STS: variants seen among roughly 807,000 people sequenced by gnomAD.
STS encodes the protein steryl-sulfatase.
In STS, 7 loss-of-function variants were observed where a neutral mutation model predicts 26.8. The observed-to-expected ratio is 0.26, with a 90% CI of 0.15 to 0.49. The LOEUF is 0.49. Among genes scored for constraint, STS ranks in the 20% least tolerant of loss-of-function variants. STS has a pLI of 0.98. For missense variants in STS, 434 were observed against 465.6 expected, an observed-to-expected ratio of 0.93 and a Z score of 0.63; for synonymous variants, 199 against 189.4, an observed-to-expected ratio of 1.05 and a Z score of -0.42.
At chrX:7,175,179 TAAAAAAAAAAA>T (rs143220502) in intron 1 of STS, among the ~76,000 whole-genome samples, 1 of 42,087 alleles carries the variant, frequency 2.4e-5, no homozygotes, top group Non-Finnish European at 4.1e-5. Context: ...TCTGAGCTGG[TAAAAAAAAAAA>T]AAAAAAAAAA....
chrX:7,342,174 T>C (rs1415853161), intron 10 of STS, among the ~76,000 whole-genome samples: 1 of 111,186 alleles, frequency 9.0e-6, no homozygotes. Flanking sequence ...ATTTAGGAGA[T>C]GTGGGAGATA....
chrX:7,283,486 G>T (rs1202751296), intron 7 of STS, among the ~76,000 whole-genome samples: 2 of 111,937 alleles, frequency 1.8e-5, no homozygotes, highest in Non-Finnish European at 3.8e-5. Flanking sequence ...TATTTGAGGA[G>T]CTGAGGTCAA....
At chrX:7,261,918 A>G (rs181260492) in intron 6 of STS, among the ~76,000 whole-genome samples, 52 of 112,071 alleles carry the variant, frequency 4.6e-4, no homozygotes, top group Non-Finnish European at 6.6e-4. Flanking sequence ...ATTAGTTCTT[A>G]TAGTTCACAC....
intron 2 of STS, among the ~76,000 whole-genome samples, chrX:7,203,629 C>G (rs1269519376): frequency 9.0e-6 from 1 of 111,574 alleles, no homozygotes. Flanking sequence ...TTTATATATA[C>G]AAGAATTTAT....
intron 2 of STS, among the ~76,000 whole-genome samples, chrX:7,246,565 C>T (rs1307149968): frequency 3.6e-5 from 4 of 111,461 alleles, no homozygotes; most frequent in Non-Finnish European, 7.5e-5. Context: ...CTCGGCCTCC[C>T]AAAGTGCTGG....
chrX:7,312,326 G>A lies in STS; in HGVS notation c.1081+7143G>A, dbSNP rs142056938. ...TCCCACCACTTTATTCTAATTGCTCGCATCTCTGATAACTTACCTGTTTAT... is the reference window on the plus strand; with the variant it reads ...TCCCACCACTTTATTCTAATTGCTCACATCTCTGATAACTTACCTGTTTAT... On this transcript the variant is annotated intron_variant, in intron 8 of 10. Coordinates refer to ENST00000674429, the MANE Select transcript of STS (RefSeq NM_001320752.2). Among the ~76,000 whole-genome samples, 38 of 111,771 alleles carry A rather than the reference G, an allele frequency of 3.4e-4. No homozygotes were observed. The East Asian group carries it at 5.1e-3, about 15-fold the overall frequency.
intron 2 of STS, among the ~76,000 whole-genome samples, chrX:7,203,443 T>A (rs942615102): frequency 2.7e-5 from 3 of 111,606 alleles, no homozygotes; most frequent in Admixed American, 1.9e-4. Flanking sequence ...TAAATTAGGG[T>A]CTCTTTAGGC....
chrX:7,182,654 T>C (rs1212088125), intron 1 of STS, among the ~76,000 whole-genome samples: 6 of 110,991 alleles, frequency 5.4e-5, no homozygotes, highest in African/African-American at 2.0e-4. Flanking sequence ...ATGATAGAAA[T>C]GAGGAAATTT....
chrX:7,183,211 G>C (rs1034516237), intron 1 of STS, among the ~76,000 whole-genome samples: 6 of 111,607 alleles, frequency 5.4e-5, no homozygotes, highest in Non-Finnish European at 1.1e-4. Context: ...TGTCCAATTT[G>C]GTGTTAATCT....
At chrX:7,280,558 C>T (rs1263432262) in intron 7 of STS, among the ~76,000 whole-genome samples, 2 of 111,969 alleles carry the variant, frequency 1.8e-5, no homozygotes, top group Non-Finnish European at 1.9e-5. Context: ...ATTTTGGAGG[C>T]GTGTCATTCT....
intron 7 of STS, among the ~76,000 whole-genome samples, chrX:7,288,868 T>A (rs1419700171): frequency 1.8e-5 from 2 of 111,368 alleles, no homozygotes; most frequent in African/African-American, 6.5e-5. Flanking sequence ...ATGCAGAGGG[T>A]CACCATAATG....
chrX:7,250,412 A>G (rs1923083058), intron 2 of STS, among the ~76,000 whole-genome samples: 1 of 107,303 alleles, frequency 9.3e-6, no homozygotes, highest in African/African-American at 3.4e-5. Context: ...TTAAAAAAAA[A>G]AAAGAAAGAA....
chrX:7,191,776 T>A (rs1933878472), intron 2 of STS, among the ~76,000 whole-genome samples: 1 of 95,802 alleles, frequency 1.0e-5, no homozygotes, highest in Non-Finnish European at 2.1e-5. Flanking sequence ...CTCTTTCCCC[T>A]GATGGAGGTG....
intron 1 of STS, among the ~76,000 whole-genome samples, chrX:7,186,315 A>G: frequency 8.9e-6 from 1 of 112,469 alleles, no homozygotes; most frequent in Non-Finnish European, 1.9e-5. Flanking sequence ...GAGTTAATGA[A>G]CCAGTCCATG....
intron 2 of STS, among the ~76,000 whole-genome samples, chrX:7,221,817 C>T (rs1198576748): frequency 3.6e-5 from 4 of 112,080 alleles, no homozygotes; most frequent in African/African-American, 1.3e-4. Flanking sequence ...GGACATTCAC[C>T]TAATATACAC....
intron 7 of STS, among the ~76,000 whole-genome samples, chrX:7,301,943 T>C (rs1925985618): frequency 8.9e-6 from 1 of 112,250 alleles, no homozygotes; most frequent in Non-Finnish European, 1.9e-5. Flanking sequence ...CCACAGTTTA[T>C]TTATCCATTC....
chrX:7,347,037 C>G (rs955635513), intron 10 of STS, among the ~76,000 whole-genome samples: 5 of 112,165 alleles, frequency 4.5e-5, no homozygotes, highest in Non-Finnish European at 9.4e-5. Flanking sequence ...CCACTGCACT[C>G]CAGCCTGAGT....
chrX:7,324,224 G>A (rs1024282318), intron 8 of STS, among the ~76,000 whole-genome samples: 12 of 110,886 alleles, frequency 1.1e-4, no homozygotes, highest in African/African-American at 3.9e-4. Flanking sequence ...TTTCTGATTG[G>A]CAGTTGGTTG....
At chrX:7,296,601 A>C (rs1477600742) in intron 7 of STS, among the ~76,000 whole-genome samples, 1 of 112,291 alleles carries the variant, frequency 8.9e-6, no homozygotes, top group Non-Finnish European at 1.9e-5. Context: ...GAACAGGTAC[A>C]ATGACTTTGT....
Sources: gnomAD v4.1 joint callset for allele counts (sites outside exome capture counted in the v4.1 genomes callset) on GRCh38, gnomAD v4.1.1 for gene constraint, MANE v1.5 for transcripts, NCBI Gene and HGNC (gene_info 2026-07-23, HGNC 2026-07-21) for gene names.